LRP1B: variants seen among roughly 807,000 people sequenced by gnomAD.
The protein encoded by LRP1B is LDL receptor related protein 1B.
In LRP1B, 217 loss-of-function variants were observed where a neutral mutation model predicts 556.6. The observed-to-expected ratio is 0.39, with a 90% confidence interval of 0.35 to 0.44. The LOEUF is 0.44. LRP1B is among the 20% of genes least tolerant of loss of function. LRP1B has a pLI of 1.00. For missense variants in LRP1B, 5,053 were observed against 5,620.8 expected (o/e 0.90, Z 3.23); for synonymous variants, 2,047 against 1,865.8 (o/e 1.10, Z -2.50).
chr2:140,325,678 T>G, intron 80 of LRP1B, 84 bp downstream of exon 80: 1 of 865,834 alleles, frequency 1.2e-6, no homozygotes, highest in South Asian at 1.9e-5. Flanking sequence ...GAATGCAAAG[T>G]AAAGTATCCA....
At chr2:140,480,006 T>C (rs1017423759) in intron 59 of LRP1B, among the ~76,000 whole-genome samples, 1 of 152,202 alleles carries the variant, frequency 6.6e-6, no homozygotes, top group African/African-American at 2.4e-5. Context: ...TCTGTGTACA[T>C]CTAGTTACTC....
chr2:141,738,702 A>G (rs1000440205), intron 2 of LRP1B, among the ~76,000 whole-genome samples: 1 of 152,088 alleles, frequency 6.6e-6, no homozygotes, highest in African/African-American at 2.4e-5. Flanking sequence ...AGTAGACTTG[A>G]TCGTTTTGTG....
intron 6 of LRP1B, among the ~76,000 whole-genome samples, chr2:141,203,754 A>C (rs1215019991): frequency 2.0e-5 from 3 of 152,210 alleles, no homozygotes; most frequent in Admixed American, 6.5e-5. Flanking sequence ...CATCACACTT[A>C]TTCTGAAATT....
At chr2:140,395,008 C>T (rs2105217183) in intron 66 of LRP1B, among the ~76,000 whole-genome samples, 1 of 152,280 alleles carries the variant, frequency 6.6e-6, no homozygotes. Context: ...TTCTGCCCCA[C>T]ATCTACTCTA....
intron 32 of LRP1B, among the ~76,000 whole-genome samples, chr2:140,781,086 G>A (rs538369659): frequency 8.5e-5 from 13 of 152,254 alleles, no homozygotes; most frequent in Admixed American, 2.6e-4. Context: ...GTTTCTGAGC[G>A]TGATCAATTG....
At chr2:140,398,431 C>T (rs1684346515) in intron 66 of LRP1B, among the ~76,000 whole-genome samples, 1 of 152,156 alleles carries the variant, frequency 6.6e-6, no homozygotes, top group South Asian at 2.1e-4. Flanking sequence ...CACCTGGACA[C>T]AAACACACAC....
At chr2:141,449,974 T>C (rs552096184) in intron 3 of LRP1B, among the ~76,000 whole-genome samples, 7 of 152,202 alleles carry the variant, frequency 4.6e-5, no homozygotes, top group Non-Finnish European at 1.0e-4. Flanking sequence ...CTAGACATTG[T>C]CAAATGTTCT....
chr2:140,398,552 G>A (rs563777861), intron 66 of LRP1B, among the ~76,000 whole-genome samples: 17 of 144,382 alleles, frequency 1.2e-4, no homozygotes, highest in African/African-American at 4.1e-4. Flanking sequence ...TTTGAGAAAG[G>A]GTGTCTTCCT....
At chr2:140,628,411 C>T (rs1368067487) in intron 41 of LRP1B, among the ~76,000 whole-genome samples, 1 of 151,872 alleles carries the variant, frequency 6.6e-6, no homozygotes, top group Non-Finnish European at 1.5e-5. Context: ...GTGGCGGGTG[C>T]CTGTAGTCCC....
chr2:141,109,837 G>C (rs951387567), intron 7 of LRP1B, among the ~76,000 whole-genome samples: 1 of 152,142 alleles, frequency 6.6e-6, no homozygotes, highest in African/African-American at 2.4e-5. Flanking sequence ...AATAAACCCT[G>C]TCAGCTTTGA....
At chr2:142,053,253 G>A (rs1047131222) in intron 1 of LRP1B, among the ~76,000 whole-genome samples, 31 of 152,148 alleles carry the variant, frequency 2.0e-4, no homozygotes, top group South Asian at 6.2e-4. Flanking sequence ...TAAATTCAAC[G>A]TTACTATAGC....
At position 140,867,736 on chromosome 2, in the gene LRP1B, T is replaced by A. The variant is rs1050790630; in HGVS notation, c.4433A>T (p.Tyr1478Phe). The change falls in exon 27 of 91, where the codon TAT (tyrosine) becomes TTT (phenylalanine). Residue 1478 changes from tyrosine to phenylalanine, a missense_variant. Tyr to Phe is a conservative substitution (Grantham distance 22, BLOSUM62 3). Transcript: ENST00000389484. ...YLSHPFAVSLYGSEVYWTDWR... is the reference protein window; with the variant it reads ...YLSHPFAVSLFGSEVYWTDWR... ...GTCTGTCCAGTAGACTTCACTCCCA[T>A]ATAGAGACACAGCAAAGGGATGGGA... is the stretch of plus-strand genomic sequence containing the variant. The A allele has an allele frequency of 6.2e-7, 1 of 1,612,146 alleles. No homozygotes were observed. The highest frequency in any genetic ancestry group is 8.5e-7 in the Non-Finnish European group (1 of 1,179,108).
At chr2:141,104,009 G>C (rs1327377985) in intron 7 of LRP1B, among the ~76,000 whole-genome samples, 2 of 151,878 alleles carry the variant, frequency 1.3e-5, no homozygotes, top group African/African-American at 4.8e-5. Flanking sequence ...GTTTCTTGCG[G>C]TAGTTTAAGG....
chr2:141,115,734 G>A (rs1185307720), intron 7 of LRP1B, among the ~76,000 whole-genome samples: 2 of 151,398 alleles, frequency 1.3e-5, no homozygotes, highest in African/African-American at 2.4e-5. Flanking sequence ...CGCCCCTCTC[G>A]GACTCCCAAA....
chr2:140,583,765 TTTTA>T (rs1306164511), intron 43 of LRP1B, among the ~76,000 whole-genome samples: 1 of 142,800 alleles, frequency 7.0e-6, no homozygotes, highest in Non-Finnish European at 1.6e-5. Flanking sequence ...GCATCTTGAT[TTTTA>T]TTTTTTTATA....
At chr2:141,101,292 A>G (rs936978931) in intron 7 of LRP1B, among the ~76,000 whole-genome samples, 3 of 152,174 alleles carry the variant, frequency 2.0e-5, no homozygotes, top group Non-Finnish European at 4.4e-5. Context: ...TCCCCACATA[A>G]TACTTCCTTT....
intron 3 of LRP1B, among the ~76,000 whole-genome samples, chr2:141,322,688 C>T (rs1046956342): frequency 6.6e-6 from 1 of 152,036 alleles, no homozygotes; most frequent in African/African-American, 2.4e-5. Flanking sequence ...CTAAGCATTT[C>T]TGCCCACGAT....
intron 1 of LRP1B, among the ~76,000 whole-genome samples, chr2:142,088,974 CAAAAAAAAAAA>C (rs1289382985): frequency 2.2e-3 from 86 of 39,756 alleles, no homozygotes; most frequent in African/African-American, 7.2e-3. Flanking sequence ...GGCTCCGTCT[CAAAAAAAAAAA>C]AAAAAAAAAA....
intron 5 of LRP1B, among the ~76,000 whole-genome samples, chr2:141,244,777 G>A (rs888017773): frequency 6.6e-6 from 1 of 152,056 alleles, no homozygotes; most frequent in African/African-American, 2.4e-5. Context: ...GAACTTGCCA[G>A]TGTTTGTTAT....
Sources: allele counts gnomAD v4.1 joint callset (sites outside exome capture counted in the v4.1 genomes callset), GRCh38; gene constraint gnomAD v4.1.1; transcripts MANE v1.5; gene names NCBI Gene and HGNC (gene_info 2026-07-23, HGNC 2026-07-21).